Variants in INPP4B observed in about 807,000 individuals in gnomAD.
INPP4B encodes the protein inositol polyphosphate-4-phosphatase type II B.
A neutral mutation model predicts 122.5 loss-of-function variants in INPP4B; 55 were observed. The ratio of observed to expected loss-of-function variants is 0.45; its 90% CI spans 0.36 to 0.56. INPP4B has a LOEUF of 0.56. Among genes scored for constraint, INPP4B ranks in the 20% least tolerant of loss-of-function variants. The pLI is 0.00. For missense variants in INPP4B, 1,000 were observed against 1,097.7 expected (o/e 0.91, Z 1.26); for synonymous variants, 403 against 388.7 (o/e 1.04, Z -0.43).
At chr4:142,508,814 A>G (rs528436095) in intron 2 of INPP4B, among the ~76,000 whole-genome samples, 1 of 152,310 alleles carries the variant, frequency 6.6e-6, no homozygotes, top group African/African-American at 2.4e-5. Context: ...CAAAAAAAGG[A>G]GGAAGTTTGG....
chr4:142,157,093 T>C (rs1318866646), intron 17 of INPP4B, among the ~76,000 whole-genome samples: 1 of 152,170 alleles, frequency 6.6e-6, no homozygotes, highest in Admixed American at 6.5e-5. Context: ...AGACTTGTAA[T>C]CAGCACTGAA....
At chr4:142,094,986 C>T (rs1781217684) in intron 23 of INPP4B, among the ~76,000 whole-genome samples, 1 of 152,058 alleles carries the variant, frequency 6.6e-6, no homozygotes, top group African/African-American at 2.4e-5. Flanking sequence ...ATATGGCTCC[C>T]TTTTTTGACT....
At chr4:142,472,217 AAG>A (rs1014300485) in intron 2 of INPP4B, among the ~76,000 whole-genome samples, 1 of 152,182 alleles carries the variant, frequency 6.6e-6, no homozygotes, top group African/African-American at 2.4e-5. Flanking sequence ...TGAAGAAAAA[AAG>A]AAAATCTGAA....
At chr4:142,394,688 T>C (rs1798794488) in intron 7 of INPP4B, among the ~76,000 whole-genome samples, 1 of 152,322 alleles carries the variant, frequency 6.6e-6, no homozygotes, top group Non-Finnish European at 1.5e-5. Flanking sequence ...ATTGAGTTGT[T>C]TGAGTTACAT....
At chr4:142,676,273 A>G (rs572259184) in intron 2 of INPP4B, among the ~76,000 whole-genome samples, 1 of 152,258 alleles carries the variant, frequency 6.6e-6, no homozygotes, top group Admixed American at 6.5e-5. Flanking sequence ...ATACCTAGGA[A>G]TACAACTTAC....
intron 2 of INPP4B, among the ~76,000 whole-genome samples, chr4:142,587,013 C>A (rs1055085559): frequency 6.6e-6 from 1 of 152,056 alleles, no homozygotes; most frequent in African/African-American, 2.4e-5. Flanking sequence ...CATATGGGAC[C>A]TTGAATGCTA....
intron 2 of INPP4B, among the ~76,000 whole-genome samples, chr4:142,511,467 C>T (rs866785691): frequency 2.0e-5 from 3 of 152,116 alleles, no homozygotes; most frequent in East Asian, 3.9e-4. Context: ...TGGAAGGACA[C>T]TCCCTGTAAA....
intron 10 of INPP4B, among the ~76,000 whole-genome samples, chr4:142,263,461 A>G (rs1907110): frequency 0.91 from 137,919 of 151,538 alleles, 62,993 homozygotes; most frequent in East Asian, 0.96. Context: ...GTCTTCTATG[A>G]GATAATTTTT....
chr4:142,763,526 CA>C (rs1211530395), intron 1 of INPP4B, among the ~76,000 whole-genome samples: 1 of 152,084 alleles, frequency 6.6e-6, no homozygotes, highest in Admixed American at 6.6e-5. Flanking sequence ...CCAGAAAAAT[CA>C]ACCCATGATT....
intron 25 of INPP4B, among the ~76,000 whole-genome samples, chr4:142,076,980 G>A (rs1771103131): frequency 6.6e-6 from 1 of 151,920 alleles, no homozygotes; most frequent in South Asian, 2.1e-4. Flanking sequence ...AACCCTATCA[G>A]GGAGGAAGTC....
intron 2 of INPP4B, among the ~76,000 whole-genome samples, chr4:142,628,880 T>C (rs1747231732): frequency 2.0e-5 from 3 of 152,054 alleles, no homozygotes; most frequent in African/African-American, 4.8e-5. Context: ...AAATAAAGTA[T>C]CATAGATAAC....
chr4:142,746,823 A>T (rs1403837495), intron 1 of INPP4B, among the ~76,000 whole-genome samples: 2 of 152,218 alleles, frequency 1.3e-5, no homozygotes, highest in Non-Finnish European at 2.9e-5. Context: ...AGCCATATGC[A>T]GAAAGCTGAA....
intron 21 of INPP4B, among the ~76,000 whole-genome samples, chr4:142,115,604 C>A (rs984948409): frequency 2.1e-4 from 32 of 152,252 alleles, no homozygotes; most frequent in Non-Finnish European, 3.8e-4. Flanking sequence ...TACAGACAAG[C>A]AAATACTGAG....
At chr4:142,801,291 A>T (rs1267676477) in intron 1 of INPP4B, among the ~76,000 whole-genome samples, 3 of 152,194 alleles carry the variant, frequency 2.0e-5, no homozygotes, top group Non-Finnish European at 4.4e-5. Flanking sequence ...ACATTCACAT[A>T]TTGAAGCTCT....
chr4:142,520,728 A>C (rs1388982142), intron 2 of INPP4B, among the ~76,000 whole-genome samples: 3 of 151,966 alleles, frequency 2.0e-5, no homozygotes, highest in South Asian at 4.1e-4. Flanking sequence ...ATTCTGAGAA[A>C]TCTGATGCAC....
At chr4:142,446,571 G>A (rs566140888) in intron 3 of INPP4B, among the ~76,000 whole-genome samples, 1 of 152,276 alleles carries the variant, frequency 6.6e-6, no homozygotes, top group South Asian at 2.1e-4. Flanking sequence ...TTAGGAGAAT[G>A]TTCATAGCAA....
intron 2 of INPP4B, among the ~76,000 whole-genome samples, chr4:142,662,529 G>A (rs114755888): frequency 1.1e-3 from 171 of 152,254 alleles, no homozygotes; most frequent in African/African-American, 3.9e-3. Flanking sequence ...AGCTACCCTG[G>A]ATTCAGGTTT....
chr4:142,373,216 T>C (rs1790555279), intron 7 of INPP4B, among the ~76,000 whole-genome samples: 1 of 151,998 alleles, frequency 6.6e-6, no homozygotes, highest in African/African-American at 2.4e-5. Flanking sequence ...ATTGAATAGA[T>C]TGGTGCCCTT....
intron 7 of INPP4B, among the ~76,000 whole-genome samples, chr4:142,334,528 A>G (rs894398390): frequency 6.6e-6 from 1 of 152,198 alleles, no homozygotes; most frequent in African/African-American, 2.4e-5. Context: ...AGGAACCCCC[A>G]TACTGTTTTC....
Sources: allele counts gnomAD v4.1 joint callset (sites outside exome capture counted in the v4.1 genomes callset), GRCh38; gene constraint gnomAD v4.1.1; transcripts MANE v1.5; gene names NCBI Gene and HGNC (gene_info 2026-07-23, HGNC 2026-07-21).